ZBTB7C: variants seen among roughly 807,000 people sequenced by gnomAD.
The protein encoded by ZBTB7C is zinc finger and BTB domain containing 7C.
ZBTB7C carries 8 observed loss-of-function variants against 25.7 expected under a neutral mutation model. The observed-to-expected ratio is 0.31, with a 90% CI of 0.18 to 0.56. The LOEUF (loss-of-function observed/expected upper bound fraction) is 0.56, where lower values mean the gene tolerates loss of function less well. ZBTB7C is among the 20% of genes least tolerant of loss of function. The probability of loss-of-function intolerance (pLI) is 0.91; values close to 1 mark genes in which losing one functional copy is unlikely to be tolerated. For missense variants in ZBTB7C, 824 were observed against 855.2 expected, an observed-to-expected ratio of 0.96 and a Z score of 0.46; for synonymous variants, 394 against 369.0, an observed-to-expected ratio of 1.07 and a Z score of -0.78.
chr18:48,239,490 G>T (rs2043468370), intron 2 of ZBTB7C, among the ~76,000 whole-genome samples: 1 of 152,176 alleles, frequency 6.6e-6, no homozygotes, highest in Non-Finnish European at 1.5e-5. Flanking sequence ...ACCTCCACTG[G>T]AGTAGGTGCT....
At chr18:48,207,614 T>TATCTATCC (rs1024455344) in intron 2 of ZBTB7C, among the ~76,000 whole-genome samples, 3 of 146,994 alleles carry the variant, frequency 2.0e-5, no homozygotes, top group Non-Finnish European at 3.0e-5. Flanking sequence ...TCTATCTATC[T>TATCTATCC]ATCCATCTAA....
At chr18:48,263,692 T>TAA (rs76126998) in intron 2 of ZBTB7C, among the ~76,000 whole-genome samples, 5 of 94,152 alleles carry the variant, frequency 5.3e-5, no homozygotes, top group Admixed American at 1.2e-4. Flanking sequence ...ATAAAGCTGC[T>TAA]AAAAAAAAAA....
chr18:48,111,612 T>G (rs1398259514), intron 3 of ZBTB7C, among the ~76,000 whole-genome samples: 1 of 152,124 alleles, frequency 6.6e-6, no homozygotes, highest in African/African-American at 2.4e-5. Flanking sequence ...GTGGGAGGCA[T>G]GCTCTGTTTT....
intron 3 of ZBTB7C, among the ~76,000 whole-genome samples, chr18:48,170,466 G>A (rs112470345): frequency 0.011 from 1,675 of 152,304 alleles, 15 homozygotes; most frequent in Middle Eastern, 0.031. Flanking sequence ...TTTGAGGGGA[G>A]GCAGAGAGGC....
At chr18:48,323,486 G>A (rs1363806475) in intron 2 of ZBTB7C, among the ~76,000 whole-genome samples, 1 of 152,200 alleles carries the variant, frequency 6.6e-6, no homozygotes, top group Non-Finnish European at 1.5e-5. Context: ...AGAGCCTATG[G>A]TCTCACCCAT....
chr18:48,195,896 T>A (rs1225810776), intron 2 of ZBTB7C, among the ~76,000 whole-genome samples: 2 of 152,182 alleles, frequency 1.3e-5, no homozygotes, highest in Non-Finnish European at 2.9e-5. Context: ...AGTATTTAAT[T>A]GGCTTGTATA....
At chr18:48,176,258 T>A (rs1175353133) in intron 3 of ZBTB7C, among the ~76,000 whole-genome samples, 1 of 152,218 alleles carries the variant, frequency 6.6e-6, no homozygotes, top group Non-Finnish European at 1.5e-5. Flanking sequence ...AAATTCAACA[T>A]GAGGAATATA....
chr18:48,251,376 A>G (rs2043852126), intron 2 of ZBTB7C, among the ~76,000 whole-genome samples: 1 of 152,232 alleles, frequency 6.6e-6, no homozygotes, highest in South Asian at 2.1e-4. Flanking sequence ...TAAGGACCAC[A>G]CTTGTGATGC....
chr18:48,345,480 C>T (rs897005892), intron 1 of ZBTB7C, among the ~76,000 whole-genome samples: 1 of 152,206 alleles, frequency 6.6e-6, no homozygotes, highest in African/African-American at 2.4e-5. Flanking sequence ...ACCCGACTCC[C>T]AAATGCCCAA....
At chr18:48,126,637 C>T (rs1462952692) in intron 3 of ZBTB7C, among the ~76,000 whole-genome samples, 4 of 152,180 alleles carry the variant, frequency 2.6e-5, no homozygotes, top group Admixed American at 2.0e-4. Context: ...ATTTGAATGG[C>T]ATGTGACACT....
chr18:48,203,060 C>T (rs1300631179), intron 2 of ZBTB7C, among the ~76,000 whole-genome samples: 1 of 152,140 alleles, frequency 6.6e-6, no homozygotes, highest in South Asian at 2.1e-4. Context: ...GTCCACACCT[C>T]CCAGCATGGA....
At chr18:48,214,764 C>T (rs1309589191) in intron 2 of ZBTB7C, among the ~76,000 whole-genome samples, 1 of 152,212 alleles carries the variant, frequency 6.6e-6, no homozygotes, top group Non-Finnish European at 1.5e-5. Context: ...TAGCATGTGT[C>T]AAAATTCCCT....
chr18:48,350,965 C>A (rs2145039213), intron 1 of ZBTB7C, among the ~76,000 whole-genome samples: 1 of 151,378 alleles, frequency 6.6e-6, no homozygotes, highest in East Asian at 1.9e-4. Context: ...TGTTTATAAT[C>A]TTTTGGTCTT....
chr18:48,229,009 C>A (rs1020679680), intron 2 of ZBTB7C, among the ~76,000 whole-genome samples: 2 of 152,098 alleles, frequency 1.3e-5, no homozygotes, highest in Non-Finnish European at 2.9e-5. Flanking sequence ...CAGGATTGTG[C>A]GAGGCTGGAG....
intron 1 of ZBTB7C, among the ~76,000 whole-genome samples, chr18:48,369,995 C>G (rs2047348547): frequency 6.6e-6 from 1 of 152,036 alleles, no homozygotes; most frequent in African/African-American, 2.4e-5. Context: ...TATCCTGGGC[C>G]ATAAAACAAA....
chr18:48,154,273 G>A (rs1388423367), intron 3 of ZBTB7C, among the ~76,000 whole-genome samples: 1 of 152,234 alleles, frequency 6.6e-6, no homozygotes, highest in East Asian at 1.9e-4. Flanking sequence ...GCAGGAGGAA[G>A]CAGTCTGAGG....
chr18:48,071,488 TA>T (rs1191277824), intron 3 of ZBTB7C, among the ~76,000 whole-genome samples: 1 of 152,172 alleles, frequency 6.6e-6, no homozygotes, highest in Non-Finnish European at 1.5e-5. Context: ...AGAAACTAAA[TA>T]ACAAGTGTTG....
At chr18:48,039,807 G>T (rs984920860) in intron 4 of ZBTB7C, 93 bp downstream of exon 4, 2 of 1,331,370 alleles carry the variant, frequency 1.5e-6, no homozygotes, top group Non-Finnish European at 2.1e-6. Context: ...ATCTATCTGG[G>T]TCTCTGTCTC....
chr18:48,386,375 G>A (rs2047747399), intron 1 of ZBTB7C, among the ~76,000 whole-genome samples: 2 of 152,208 alleles, frequency 1.3e-5, no homozygotes, highest in Admixed American at 1.3e-4. Context: ...AGGTCCAGGT[G>A]AACTCGGATG....
Sources: allele counts gnomAD v4.1 joint callset (sites outside exome capture counted in the v4.1 genomes callset), GRCh38; gene constraint gnomAD v4.1.1; transcripts MANE v1.5; gene names NCBI Gene and HGNC (gene_info 2026-07-23, HGNC 2026-07-21).